The following DLGAP2 variants were observed in gnomAD, a reference collection of about 807,000 sequenced individuals.
DLGAP2 encodes DLG associated protein 2, also known as disks large-associated protein 2.
Under a neutral mutation model 100.3 loss-of-function variants are expected in DLGAP2, and 26 were observed. The observed-to-expected ratio is 0.26, with a 90% CI of 0.19 to 0.36. The LOEUF (loss-of-function observed/expected upper bound fraction) is 0.36. Ranked by LOEUF, DLGAP2 falls within the 10% of genes least tolerant of loss-of-function variation. The probability of loss-of-function intolerance (pLI) is 1.00; values close to 1 mark genes in which losing one functional copy is unlikely to be tolerated. For missense variants in DLGAP2, 1,858 were observed against 1,453.2 expected (o/e 1.28, Z -4.53); for synonymous variants, 886 against 630.1 (o/e 1.41, Z -6.08).
intron 2 of DLGAP2, among the ~76,000 whole-genome samples, chr8:1,135,330 C>G (rs901200177): frequency 2.4e-4 from 36 of 152,244 alleles, no homozygotes; most frequent in African/African-American, 8.7e-4. Context: ...GACACAGTTT[C>G]ATAAAAACAA....
At position 1,222,333 on chromosome 8, in the gene DLGAP2, G is replaced by A. The variant is rs888801565; in HGVS notation, c.74-36518G>A. On this transcript the variant is annotated intron_variant, in intron 2 of 14. Transcript: ENST00000637795. ...GCTCAGTCAGTTCACTTTATTTCTG[G>A]AAGATTTCAAGGGATAAAGGCTCAG... 5.3e-5 allele frequency among the ~76,000 whole-genome samples: 8 copies of A among 152,254 alleles called. No homozygotes were observed. The South Asian group carries it at 1.2e-3, about 24-fold the overall frequency.
chr8:1,301,464 G>T (rs1800338332), intron 3 of DLGAP2: 3 of 151,422 alleles, frequency 2.0e-5, no homozygotes, highest in Non-Finnish European at 1.5e-5. Flanking sequence ...TCTTAATGAA[G>T]TTTTTTTTGA....
intron 8 of DLGAP2, among the ~76,000 whole-genome samples, chr8:1,654,472 G>C (rs985576196): frequency 9.2e-5 from 14 of 151,802 alleles, no homozygotes; most frequent in African/African-American, 3.4e-4. Flanking sequence ...GACCACCCTG[G>C]CCAACATGGT....
At chr8:1,082,876 G>A (rs1296633301) in intron 2 of DLGAP2, among the ~76,000 whole-genome samples, 2 of 152,250 alleles carry the variant, frequency 1.3e-5, no homozygotes, top group African/African-American at 4.8e-5. Flanking sequence ...GAAAATTAAG[G>A]TATTATTTCC....
chr8:832,870 C>A (rs1376681179), intron 1 of DLGAP2, among the ~76,000 whole-genome samples: 2 of 152,124 alleles, frequency 1.3e-5, no homozygotes, highest in Non-Finnish European at 2.9e-5. Context: ...AGAGATGGCA[C>A]GGGGTGTATG....
chr8:862,968 G>T (rs1797421169), intron 1 of DLGAP2, among the ~76,000 whole-genome samples: 1 of 152,186 alleles, frequency 6.6e-6, no homozygotes, highest in South Asian at 2.1e-4. Flanking sequence ...TTGAATATCT[G>T]AGTCAGTTTG....
At chr8:1,087,800 G>C (rs1204951504) in intron 2 of DLGAP2, among the ~76,000 whole-genome samples, 1 of 152,158 alleles carries the variant, frequency 6.6e-6, no homozygotes, top group African/African-American at 2.4e-5. Flanking sequence ...ACTGTCTCCT[G>C]ACCCTCCTGC....
At chr8:956,619 A>G (rs1275682183) in intron 2 of DLGAP2, among the ~76,000 whole-genome samples, 2 of 152,138 alleles carry the variant, frequency 1.3e-5, no homozygotes, top group African/African-American at 2.4e-5. Context: ...GATATTTTAG[A>G]CTGCTGCCTC....
intron 2 of DLGAP2, among the ~76,000 whole-genome samples, chr8:1,242,168 A>G (rs149351310): frequency 0.014 from 2,201 of 152,346 alleles, 31 homozygotes; most frequent in South Asian, 0.07. Context: ...ATTAACACGA[A>G]GACACTAATT....
At chr8:1,298,142 CAG>C (rs1405613897) in intron 3 of DLGAP2, among the ~76,000 whole-genome samples, 4 of 151,032 alleles carry the variant, frequency 2.6e-5, no homozygotes, top group South Asian at 2.1e-4. Context: ...CCACGTGAGA[CAG>C]GGAGGAGAAA....
chr8:1,438,300 A>G (rs1797711259), intron 3 of DLGAP2, among the ~76,000 whole-genome samples: 1 of 152,192 alleles, frequency 6.6e-6, no homozygotes, highest in Non-Finnish European at 1.5e-5. Context: ...AGGAAGGGTA[A>G]GGGGTCTTTC....
At chr8:822,881 C>A (rs1796609824) in intron 1 of DLGAP2, among the ~76,000 whole-genome samples, 2 of 152,140 alleles carry the variant, frequency 1.3e-5, no homozygotes, top group Admixed American at 6.5e-5. Context: ...GTCCCCAGAC[C>A]CACAAAGAGC....
chr8:983,006 C>G (rs776162486), intron 2 of DLGAP2, among the ~76,000 whole-genome samples: 1 of 151,680 alleles, frequency 6.6e-6, no homozygotes, highest in Non-Finnish European at 1.5e-5. Flanking sequence ...TATATAGAGC[C>G]TCCCTTTAGA....
chr8:1,499,209 G>C (rs996906693), intron 3 of DLGAP2, among the ~76,000 whole-genome samples: 1 of 152,224 alleles, frequency 6.6e-6, no homozygotes, highest in Non-Finnish European at 1.5e-5. Context: ...TGAAGCACGT[G>C]GCTTTGCTAA....
At chr8:1,593,130 A>C (rs907185633) in intron 6 of DLGAP2, among the ~76,000 whole-genome samples, 1 of 152,162 alleles carries the variant, frequency 6.6e-6, no homozygotes, top group Non-Finnish European at 1.5e-5. Context: ...GCCGTTCAAC[A>C]ATGATTTGTG....
intron 3 of DLGAP2, among the ~76,000 whole-genome samples, chr8:1,360,050 G>A (rs181790584): frequency 6.6e-4 from 100 of 152,248 alleles, no homozygotes; most frequent in East Asian, 5.0e-3. Flanking sequence ...GCCACTTTCC[G>A]CCTCTTCATC....
chr8:1,427,516 G>A (rs1357831344), intron 3 of DLGAP2, among the ~76,000 whole-genome samples: 1 of 152,184 alleles, frequency 6.6e-6, no homozygotes, highest in East Asian at 1.9e-4. Flanking sequence ...GAAAGCACTT[G>A]ATATGGTTTG....
intron 3 of DLGAP2, among the ~76,000 whole-genome samples, chr8:1,482,260 G>A (rs181357645): frequency 1.2e-3 from 177 of 152,312 alleles, no homozygotes; most frequent in Non-Finnish European, 2.3e-3. Context: ...TAAAAGAAAC[G>A]TGGAAAGCCG....
intron 1 of DLGAP2, among the ~76,000 whole-genome samples, chr8:889,616 C>G (rs2128995258): frequency 6.6e-6 from 1 of 152,360 alleles, no homozygotes. Flanking sequence ...GTCTTGGGAC[C>G]AAGCCATTCA....
Sources: allele counts gnomAD v4.1 joint callset (sites outside exome capture counted in the v4.1 genomes callset), GRCh38; gene constraint gnomAD v4.1.1; transcripts MANE v1.5; gene names NCBI Gene and HGNC (gene_info 2026-07-23, HGNC 2026-07-21).